The following FHAD1 variants were observed in gnomAD, a reference collection of about 807,000 sequenced individuals.
The protein encoded by FHAD1 is forkhead-associated domain-containing protein 1.
FHAD1 carries 146 observed loss-of-function variants against 191.3 expected under a neutral mutation model. That is an observed-to-expected ratio of 0.76 (90% CI 0.67 to 0.88). The LOEUF is 0.88. Ranked by LOEUF, FHAD1 falls within the 40% of genes least tolerant of loss-of-function variation. The pLI is 0.00. For missense variants in FHAD1, 1,635 were observed against 1,785.8 expected, an observed-to-expected ratio of 0.92 and a Z score of 1.52; for synonymous variants, 616 against 672.3, an observed-to-expected ratio of 0.92 and a Z score of 1.29.
chr1:15,380,510 C>T (rs1700665873), intron 28 of FHAD1, among the ~76,000 whole-genome samples, 191 bp from the exon 29 acceptor site: 1 of 152,192 alleles, frequency 6.6e-6, no homozygotes, highest in Non-Finnish European at 1.5e-5. Context: ...AAGACAGAGT[C>T]ATTCTCTGAA....
chr1:15,346,683 A>AC (rs1296643910), intron 18 of FHAD1, among the ~76,000 whole-genome samples: 3 of 152,216 alleles, frequency 2.0e-5, no homozygotes, highest in Non-Finnish European at 4.4e-5. Flanking sequence ...GCTTGTGGTC[A>AC]CCCTCAGATC....
downstream of FHAD1, among the ~76,000 whole-genome samples, chr1:15,399,220 A>C (rs1474454760): frequency 6.6e-6 from 1 of 152,080 alleles, no homozygotes; most frequent in East Asian, 1.9e-4. Context: ...AGTAGGACAA[A>C]CTCTTTGTGT....
chr1:15,284,404 G>A (rs986998205), intron 3 of FHAD1, among the ~76,000 whole-genome samples: 1 of 151,072 alleles, frequency 6.6e-6, no homozygotes, highest in African/African-American at 2.4e-5. Context: ...GCATGAACCC[G>A]TGAGGCGGAG....
At chr1:15,295,595 G>A (rs991917566) in intron 4 of FHAD1, among the ~76,000 whole-genome samples, 2 of 152,116 alleles carry the variant, frequency 1.3e-5, no homozygotes, top group African/African-American at 4.8e-5. Flanking sequence ...GTGACAGAGC[G>A]AGACCCTGTC....
chr1:15,301,430 T>G lies in FHAD1; in HGVS notation c.904T>G (p.Leu302Val). The G allele has an allele frequency of 6.4e-7, 1 of 1,551,586 alleles. No homozygotes were observed. The highest frequency in any genetic ancestry group is 8.7e-7 in the Non-Finnish European group (1 of 1,146,992). The change falls in exon 6 of 34, where the codon TTG becomes GTG. Residue 302 changes from leucine to valine, a missense_variant. Physicochemically the swap from Leu to Val is conservative, Grantham distance 32. Transcript: ENST00000688493. ...TGCCAAACAGAAAGAGATCCAGAGCTTGAAAAGCCAGGTAGGCAGAGCCTG... is the reference window on the plus strand; with the variant it reads ...TGCCAAACAGAAAGAGATCCAGAGCGTGAAAAGCCAGGTAGGCAGAGCCTG... ...IDAKQKEIQS[L>V]KSQISALQKG... is the part of the protein sequence containing the mutation.
At chr1:15,301,089 C>T (rs1255592974) in intron 5 of FHAD1, 116 bp from the exon 6 acceptor site, 2 of 836,046 alleles carry the variant, frequency 2.4e-6, no homozygotes, top group South Asian at 1.8e-5. Context: ...CTTGGCCTCC[C>T]ATAGTGCTAG....
Position 15,318,411 on chromosome 1 carries a change from A to T in FHAD1, c.1365+483A>T, listed in dbSNP as rs1675187250. ...CATTTTGGGAGGCTGAGGCAGATGG[A>T]TCACCTGAGGTCAGGAGTTCGAGAC... On this transcript the variant is annotated intron_variant, in intron 10 of 33. Coordinates refer to ENST00000688493, the MANE Select transcript of FHAD1 (RefSeq NM_001391957.1). The surrounding 1 kb of genome is among the most constrained non-coding windows in gnomAD (Gnocchi z 4.1). 6.6e-6 allele frequency among the ~76,000 whole-genome samples: 1 copy of T among 152,202 alleles called. No homozygotes were observed. The highest frequency in any genetic ancestry group is 1.5e-5 in the Non-Finnish European group (1 of 68,028).
chr1:15,351,010 A>T (rs1690666241), intron 19 of FHAD1, among the ~76,000 whole-genome samples: 1 of 152,216 alleles, frequency 6.6e-6, no homozygotes, highest in Non-Finnish European at 1.5e-5. Context: ...GGCTACAGCC[A>T]GGCAGTGTCT....
intron 3 of FHAD1, among the ~76,000 whole-genome samples, chr1:15,278,491 T>TTTTTTA (rs1659323347): frequency 6.6e-6 from 1 of 150,644 alleles, no homozygotes; most frequent in African/African-American, 2.5e-5. Flanking sequence ...TTTTTTTTTT[T>TTTTTTA]GAGACGGAGT....
chr1:15,240,314 T>C (rs559303906), intron 1 of FHAD1, among the ~76,000 whole-genome samples: 4 of 152,198 alleles, frequency 2.6e-5, no homozygotes, highest in South Asian at 4.2e-4. Flanking sequence ...AAACGAATCT[T>C]ACCAATAACA....
intron 4 of FHAD1, among the ~76,000 whole-genome samples, chr1:15,294,441 T>C (rs1666228282): frequency 6.6e-6 from 1 of 152,162 alleles, no homozygotes; most frequent in Non-Finnish European, 1.5e-5. Context: ...TAACCCAGGC[T>C]GGAGTGCAGT....
At position 15,352,913 on chromosome 1, in the gene FHAD1, G is replaced by A. The variant is rs1435564919; in HGVS notation, c.2491G>A (p.Ala831Thr). The A allele has an allele frequency of 3.9e-6, 6 of 1,551,422 alleles. No homozygotes were observed. The Admixed American group carries it at 5.9e-5, about 15-fold the overall frequency. Residue 831 changes from alanine (A) to threonine (T), a missense_variant, in exon 20 of 34, where the codon GCA becomes ACA. Transcript: ENST00000688493. ...CAACATTGCGTACGAGAAACGCAAA[G>A]CAAAGGAGGCCATGGAGAAGGAAAA... The part of the protein sequence containing the change: ...ESNIAYEKRK[A>T]KEAMEKEKKK...
At chr1:15,284,738 T>C (rs1289322759) in intron 3 of FHAD1, among the ~76,000 whole-genome samples, 1 of 152,010 alleles carries the variant, frequency 6.6e-6, no homozygotes, top group Non-Finnish European at 1.5e-5. Flanking sequence ...AGTTCTCGAG[T>C]ACATTACTGG....
rs1318488521 is a variant in FHAD1, at chr1:15,360,359, T to C, written c.2737-119T>C. 6.7e-5 allele frequency: 52 copies of C among 773,114 alleles called. No individual in the cohort carries two copies. The Admixed American group carries it at 1.3e-3, about 19-fold the overall frequency. The allele number at this position is 773,114 out of a possible 1,614,324, so 47.9% of individuals were successfully genotyped here. On this transcript the variant is annotated intron_variant, in intron 21 of 33. Transcript: ENST00000688493. ...AGTGCACAGGGCAGAGGGAACTGCATGTGCTAAGGCCCTGGGGTGGGGCCC... is the reference window on the plus strand; with the variant it reads ...AGTGCACAGGGCAGAGGGAACTGCACGTGCTAAGGCCCTGGGGTGGGGCCC...
chr1:15,238,823 C>T (rs1645057937), intron 1 of FHAD1, among the ~76,000 whole-genome samples: 2 of 152,224 alleles, frequency 1.3e-5, no homozygotes, highest in Non-Finnish European at 2.9e-5. Flanking sequence ...GGCCCAGACA[C>T]ATCAAAGCTT....
intron 11 of FHAD1, 169 bp downstream of exon 11, chr1:15,324,728 A>G: frequency 3.3e-6 from 2 of 614,266 alleles, no homozygotes; most frequent in Non-Finnish European, 5.9e-6. Context: ...ACCCCCATGG[A>G]CATCGCTTAA....
chr1:15,318,015 T>A lies in FHAD1; in HGVS notation c.1365+87T>A. The A allele has an allele frequency of 1.2e-6, 1 of 831,214 alleles. No individual in the cohort carries two copies. The highest frequency in any genetic ancestry group is 2.0e-6 in the Non-Finnish European group (1 of 512,802). The allele number at this position is 831,214 out of a possible 1,614,324, so 51.5% of individuals were successfully genotyped here. On this transcript the variant is annotated intron_variant, in intron 10 of 33. Coordinates refer to ENST00000688493, the MANE Select transcript of FHAD1 (RefSeq NM_001391957.1). The surrounding 1 kb of genome is among the most constrained non-coding windows in gnomAD (Gnocchi z 4.1). ...TGTTAGTCCTCTAAGTGGACTATGCTGGTATTAACCCTTCTTACAGCTGAG... is the reference window on the plus strand; with the variant it reads ...TGTTAGTCCTCTAAGTGGACTATGCAGGTATTAACCCTTCTTACAGCTGAG...
At chr1:15,390,389 A>G (rs1703665641) in intron 32 of FHAD1, among the ~76,000 whole-genome samples, 1 of 150,254 alleles carries the variant, frequency 6.7e-6, no homozygotes, top group African/African-American at 2.5e-5. Context: ...AGAATACTCC[A>G]GATTTCTGGC....
chr1:15,382,635 T>C (rs1203873987), intron 31 of FHAD1, among the ~76,000 whole-genome samples: 1 of 152,102 alleles, frequency 6.6e-6, no homozygotes, highest in Non-Finnish European at 1.5e-5. Context: ...CTGAGGAGTA[T>C]ACAGGTGGAT....
Sources: gnomAD v4.1 joint callset for allele counts (sites outside exome capture counted in the v4.1 genomes callset) on GRCh38, gnomAD v4.1.1 for gene constraint, Gnocchi (gnomAD v3.1) non-coding constraint, MANE v1.5 for transcripts, NCBI Gene and HGNC (gene_info 2026-07-23, HGNC 2026-07-21) for gene names.